Variants in HECW1 observed in about 807,000 individuals in gnomAD.
The protein encoded by HECW1 is E3 ubiquitin-protein ligase HECW1.
A neutral mutation model predicts 182.3 loss-of-function variants in HECW1; 61 were observed. The ratio of observed to expected loss-of-function variants is 0.33; its 90% confidence interval spans 0.27 to 0.41. The LOEUF (loss-of-function observed/expected upper bound fraction) is 0.41. Ranked by LOEUF, HECW1 falls within the 10% of genes least tolerant of loss-of-function variation. The pLI, the probability that HECW1 is intolerant of heterozygous loss-of-function variation, is 1.00. For missense variants in HECW1, 1,739 were observed against 2,108.9 expected (o/e 0.82, Z 3.44); for synonymous variants, 859 against 832.6 (o/e 1.03, Z -0.55).
intron 14 of HECW1, among the ~76,000 whole-genome samples, chr7:43,465,751 C>T (rs1296212871): frequency 1.3e-5 from 2 of 152,012 alleles, no homozygotes; most frequent in Non-Finnish European, 2.9e-5. Context: ...AATAGCCAGG[C>T]ATGGTGCTGC....
chr7:43,492,270 A>C (rs1285719771), intron 18 of HECW1, 90 bp downstream of exon 18: 1 of 865,694 alleles, frequency 1.2e-6, no homozygotes, highest in African/African-American at 1.7e-5. Flanking sequence ...TTTGTCATGA[A>C]CCCTTTACTA....
chr7:43,129,588 A>G (rs1468378242), intron 2 of HECW1, among the ~76,000 whole-genome samples: 2 of 152,226 alleles, frequency 1.3e-5, no homozygotes, highest in Non-Finnish European at 1.5e-5. Context: ...AACCTGCAAT[A>G]TCTCTGAGGT....
chr7:43,403,449 G>C (rs2075495519), intron 7 of HECW1, among the ~76,000 whole-genome samples: 1 of 152,158 alleles, frequency 6.6e-6, no homozygotes, highest in Non-Finnish European at 1.5e-5. Context: ...GTTGGTACTG[G>C]TCTGAAGTCA....
chr7:43,318,926 G>T (rs1809677129), intron 4 of HECW1, among the ~76,000 whole-genome samples: 1 of 152,204 alleles, frequency 6.6e-6, no homozygotes, highest in Admixed American at 6.5e-5. Context: ...TATTTCTGGT[G>T]AAGTGGAAAC....
rs75609225 is a variant in HECW1 at position 43,327,376 on chromosome 7, C to T, written c.460+6634C>T. ...CCGCTGCCCACCCACTTTAGCACTA[C>T]GCTAAATTGAAATCATGGTTAAAAT... On this transcript the variant is annotated intron_variant, in intron 5 of 29. Coordinates refer to ENST00000395891, the MANE Select transcript of HECW1 (RefSeq NM_015052.5). Among the ~76,000 whole-genome samples, 1,320 of 152,260 alleles carry T rather than the reference C, an allele frequency of 8.7e-3. 15 individuals carry two copies. The highest frequency in any genetic ancestry group is 0.03 in the African/African-American group (1,259 of 41,542).
At chr7:43,474,419 A>C (rs573229741) in intron 16 of HECW1, among the ~76,000 whole-genome samples, 2 of 152,348 alleles carry the variant, frequency 1.3e-5, no homozygotes, top group African/African-American at 2.4e-5. Flanking sequence ...ACTGCACTCC[A>C]GCCTGAGCGA....
chr7:43,445,469 C>T lies in HECW1; in HGVS notation c.2297C>T (p.Ala766Val), dbSNP rs1220895422. The part of the protein sequence containing the change: ...PELDPESTNG[A>V]GPWQDELAAP... ...CTGGACCCGGAGTCCACGAACGGCG[C>T]TGGGCCGTGGCAAGACGAGCTGGCC... Residue 766 changes from alanine (A) to valine (V), a missense_variant, in exon 11 of 30, where the codon GCT becomes GTT. Ala to Val is a moderately conservative substitution (Grantham distance 64). Coordinates refer to ENST00000395891, the MANE Select transcript of HECW1 (RefSeq NM_015052.5). 1 of 1,612,538 alleles carries T rather than the reference C, an allele frequency of 6.2e-7. No individual in the cohort carries two copies. The highest frequency in any genetic ancestry group is 8.5e-7 in the Non-Finnish European group (1 of 1,179,612).
chr7:43,115,147 T>G (rs1456035932), intron 2 of HECW1, among the ~76,000 whole-genome samples: 1 of 152,168 alleles, frequency 6.6e-6, no homozygotes, highest in Non-Finnish European at 1.5e-5. Flanking sequence ...AGTTACCCAG[T>G]GTTGGAAAGG....
intron 3 of HECW1, among the ~76,000 whole-genome samples, chr7:43,260,861 A>G (rs560907307): frequency 1.3e-5 from 2 of 152,250 alleles, no homozygotes; most frequent in East Asian, 3.9e-4. Context: ...AAGGAGCAAG[A>G]ATTATTTATT....
chr7:43,376,977 A>G (rs2074357498), intron 6 of HECW1, among the ~76,000 whole-genome samples: 1 of 152,058 alleles, frequency 6.6e-6, no homozygotes. Flanking sequence ...ACTTTTCTTC[A>G]GGTAAAAGTC....
At chr7:43,213,808 A>G (rs1220762868) in intron 2 of HECW1, among the ~76,000 whole-genome samples, 1 of 152,190 alleles carries the variant, frequency 6.6e-6, no homozygotes, top group Non-Finnish European at 1.5e-5. Context: ...AAAGAATGAT[A>G]TAATTAATAA....
At chr7:43,418,868 C>G (rs988982092) in intron 8 of HECW1, among the ~76,000 whole-genome samples, 1 of 152,110 alleles carries the variant, frequency 6.6e-6, no homozygotes, top group Non-Finnish European at 1.5e-5. Context: ...ATGTCTCGAG[C>G]ATTGTTAATG....
At chr7:43,130,487 G>C (rs1205059179) in intron 2 of HECW1, among the ~76,000 whole-genome samples, 1 of 152,166 alleles carries the variant, frequency 6.6e-6, no homozygotes, top group African/African-American at 2.4e-5. Flanking sequence ...GTGGGTGTTT[G>C]ACATCACCAT....
intron 3 of HECW1, among the ~76,000 whole-genome samples, chr7:43,246,969 G>A (rs1010282875): frequency 6.6e-6 from 1 of 152,148 alleles, no homozygotes; most frequent in African/African-American, 2.4e-5. Context: ...ACCCTAAAGA[G>A]AGCCTGAGCA....
intron 2 of HECW1, among the ~76,000 whole-genome samples, chr7:43,200,325 G>A (rs183487728): frequency 2.3e-3 from 354 of 152,286 alleles, no homozygotes; most frequent in African/African-American, 8.1e-3. Context: ...GTAATATGAT[G>A]CAGTATTTTT....
intron 3 of HECW1, among the ~76,000 whole-genome samples, chr7:43,277,933 C>T (rs796200483): frequency 1.2e-4 from 19 of 152,180 alleles, no homozygotes; most frequent in African/African-American, 4.3e-4. Context: ...TTTCCAAATT[C>T]GTGCTCCTTC....
At chr7:43,113,333 CT>C (rs1784783471) in intron 1 of HECW1, among the ~76,000 whole-genome samples, 1 of 152,312 alleles carries the variant, frequency 6.6e-6, no homozygotes, top group South Asian at 2.1e-4. Flanking sequence ...ACACCCACCC[CT>C]TGTGAACCAA....
At chr7:43,534,817 T>C (rs1305266056) in intron 24 of HECW1, among the ~76,000 whole-genome samples, 1 of 152,238 alleles carries the variant, frequency 6.6e-6, no homozygotes, top group Non-Finnish European at 1.5e-5. Context: ...GGCTAGCCAC[T>C]GTCAGCCCAA....
At chr7:43,186,579 G>T (rs207467818) in intron 2 of HECW1, among the ~76,000 whole-genome samples, 1 of 150,384 alleles carries the variant, frequency 6.6e-6, no homozygotes, top group African/African-American at 2.4e-5. Flanking sequence ...TGAGGCAGGA[G>T]AATGGCATGA....
Sources: allele counts gnomAD v4.1 joint callset (sites outside exome capture counted in the v4.1 genomes callset), GRCh38; gene constraint gnomAD v4.1.1; transcripts MANE v1.5; gene names NCBI Gene and HGNC (gene_info 2026-07-23, HGNC 2026-07-21).